The following ADGRF5 variants were observed in gnomAD, a reference collection of about 807,000 sequenced individuals.
ADGRF5 encodes G-protein coupled receptor 116.
In ADGRF5, 75 loss-of-function variants were observed where a neutral mutation model predicts 132.3. The observed-to-expected ratio is 0.57, with a 90% CI of 0.47 to 0.69. The LOEUF is 0.69. ADGRF5 is among the 30% of genes least tolerant of loss of function. ADGRF5 has a pLI of 0.00. For missense variants in ADGRF5, 1,516 were observed against 1,630.6 expected (o/e 0.93, Z 1.21); for synonymous variants, 629 against 597.6 (o/e 1.05, Z -0.77).
At chr6:46,857,829 C>T (rs1769231365) in intron 17 of ADGRF5, among the ~76,000 whole-genome samples, 1 of 152,190 alleles carries the variant, frequency 6.6e-6, no homozygotes, top group Non-Finnish European at 1.5e-5. Context: ...AGATAATAGA[C>T]TACATCAAGA....
intron 1 of ADGRF5, among the ~76,000 whole-genome samples, chr6:46,919,208 A>G (rs1224399588): frequency 6.6e-6 from 1 of 152,286 alleles, no homozygotes; most frequent in East Asian, 1.9e-4. Flanking sequence ...TCTATTCCAC[A>G]TGACTTTTAT....
rs1194027853 is a variant in ADGRF5, at chr6:46,858,168, A to C, written c.3735T>G (p.Leu1245=). ...GGATGGCAAATATGATATGGAACACAAGGTTGGTCCCTGGGAACACAGTGG... is the reference window on the plus strand; with the variant it reads ...GGATGGCAAATATGATATGGAACACCAGGTTGGTCCCTGGGAACACAGTGG... ...GLTTVFPGTN[L]VFHIIFAILN... The change falls in exon 17 of 21, where the codon CTT becomes CTG. Residue 1245 remains leucine (L), a synonymous_variant. Transcript: ENST00000283296. 1 of 1,613,988 alleles carries C rather than the reference A, an allele frequency of 6.2e-7. No individual in the cohort carries two copies. The highest frequency in any genetic ancestry group is 1.1e-5 in the South Asian group (1 of 91,060).
chr6:46,890,291 C>T (rs1181373936), intron 3 of ADGRF5, among the ~76,000 whole-genome samples: 14 of 151,922 alleles, frequency 9.2e-5, no homozygotes, highest in Non-Finnish European at 2.1e-4. Flanking sequence ...TGGGGTTTCG[C>T]CATGTTGCCC....
chr6:46,891,700 A>T (rs1462809054), intron 3 of ADGRF5, among the ~76,000 whole-genome samples: 10 of 152,222 alleles, frequency 6.6e-5, no homozygotes, highest in Admixed American at 6.5e-4. Flanking sequence ...GTGTGTGCCT[A>T]GAAAGCACAT....
chr6:46,879,298 T>C (rs1416597591), intron 9 of ADGRF5, among the ~76,000 whole-genome samples: 2 of 151,764 alleles, frequency 1.3e-5, no homozygotes, highest in Non-Finnish European at 2.9e-5. Flanking sequence ...GTGATATGAT[T>C]TGGCTCTGTG....
At chr6:46,905,035 G>A (rs1581939677) in intron 2 of ADGRF5, among the ~76,000 whole-genome samples, 1 of 152,092 alleles carries the variant, frequency 6.6e-6, no homozygotes, top group African/African-American at 2.4e-5. Flanking sequence ...GCAGATGAAG[G>A]GGCTTTGCCA....
chr6:46,881,991 T>G, intron 7 of ADGRF5, 58 bp downstream of exon 7: 1 of 1,248,108 alleles, frequency 8.0e-7, no homozygotes, highest in Non-Finnish European at 1.2e-6. Context: ...TTTACCTCCT[T>G]CACTACCATA....
intron 3 of ADGRF5, among the ~76,000 whole-genome samples, chr6:46,891,695 T>C (rs928292665): frequency 6.6e-6 from 1 of 152,202 alleles, no homozygotes; most frequent in Admixed American, 6.5e-5. Flanking sequence ...AACAAGTGTG[T>C]GCCTAGAAAG....
intron 4 of ADGRF5, 27 bp from the exon 5 acceptor site, chr6:46,884,298 AGAGAAGGTG>A (rs1165505263): frequency 1.9e-6 from 3 of 1,583,218 alleles, no homozygotes; most frequent in East Asian, 2.3e-5. Context: ...CAGCAAGGAG[AGAGAAGGTG>A]GAGAAGGTGG....
intron 1 of ADGRF5, among the ~76,000 whole-genome samples, chr6:46,947,981 C>T (rs1778362946): frequency 6.6e-6 from 1 of 152,058 alleles, no homozygotes; most frequent in Non-Finnish European, 1.5e-5. Flanking sequence ...AGACTCAACA[C>T]CGGACAGGAT....
chr6:46,938,699 G>A (rs1253588960), intron 1 of ADGRF5, among the ~76,000 whole-genome samples: 1 of 152,114 alleles, frequency 6.6e-6, no homozygotes, highest in Non-Finnish European at 1.5e-5. Flanking sequence ...CCCCCGCCTA[G>A]AGTCTCAAGG....
chr6:46,863,346 A>T, intron 14 of ADGRF5: 1 of 567,932 alleles, frequency 1.8e-6, no homozygotes. Context: ...CTTCATCTGG[A>T]GATTCTCAAC....
chr6:46,858,646 C>A lies in ADGRF5; in HGVS notation c.3257G>T (p.Cys1086Phe). Residue 1086 changes from cysteine (C) to phenylalanine (F), a missense_variant, in exon 17 of 21, where the codon TGT (cysteine) becomes TTT (phenylalanine). Coordinates refer to ENST00000283296, the MANE Select transcript of ADGRF5 (RefSeq NM_001098518.2). ...DNRYILCKTA[C>F]VAATFFIHFF... ...GTGGATGAAGAAGGTGGCAGCCACACAGGCTGTCTTGCAGAGTATGTAGCG... is the reference window on the plus strand; with the variant it reads ...GTGGATGAAGAAGGTGGCAGCCACAAAGGCTGTCTTGCAGAGTATGTAGCG... 6.2e-7 allele frequency: 1 copy of A among 1,614,158 alleles called. No individual in the cohort carries two copies. The highest frequency in any genetic ancestry group is 8.5e-7 in the Non-Finnish European group (1 of 1,180,024).
intron 13 of ADGRF5, 94 bp from the exon 14 acceptor site, chr6:46,865,291 A>G: frequency 3.6e-6 from 3 of 834,170 alleles, no homozygotes; most frequent in Non-Finnish European, 5.7e-6. Flanking sequence ...AACCTGTCCA[A>G]GCTTTCCCGA....
chr6:46,857,404 GT>G (rs1229952751), intron 17 of ADGRF5, among the ~76,000 whole-genome samples: 2 of 152,084 alleles, frequency 1.3e-5, no homozygotes, highest in Non-Finnish European at 2.9e-5. Context: ...CTCTTCACAA[GT>G]TTACAGTGGC....
intron 1 of ADGRF5, among the ~76,000 whole-genome samples, chr6:46,948,735 C>A (rs914263376): frequency 1.3e-5 from 2 of 152,180 alleles, no homozygotes; most frequent in African/African-American, 4.8e-5. Context: ...CGTCACCGGT[C>A]TCTGGAATAT....
At chr6:46,916,014 C>G (rs925771931) in intron 1 of ADGRF5, among the ~76,000 whole-genome samples, 12 of 152,118 alleles carry the variant, frequency 7.9e-5, no homozygotes, top group African/African-American at 2.9e-4. Context: ...TGCTCCCATC[C>G]TCATCATCCT....
At chr6:46,883,982 T>A in intron 5 of ADGRF5, 113 bp downstream of exon 5, 3 of 883,736 alleles carry the variant, frequency 3.4e-6, no homozygotes, top group Non-Finnish European at 5.4e-6. Context: ...CCACAGGTGA[T>A]CCATCCACAT....
intron 15 of ADGRF5, 52 bp downstream of exon 15, chr6:46,862,836 A>T (rs1769945529): frequency 8.4e-7 from 1 of 1,195,628 alleles, no homozygotes; most frequent in Admixed American, 1.7e-5. Context: ...AAATATGATC[A>T]GCCAGATAGA....
Sources: gnomAD v4.1 joint callset for allele counts (sites outside exome capture counted in the v4.1 genomes callset) on GRCh38, gnomAD v4.1.1 for gene constraint, MANE v1.5 for transcripts, NCBI Gene and HGNC (gene_info 2026-07-23, HGNC 2026-07-21) for gene names.